The following TTC23L variants were observed in gnomAD, a reference collection of about 807,000 sequenced individuals.
TTC23L encodes the protein tetratricopeptide repeat domain 23 like.
TTC23L carries 42 observed loss-of-function variants against 48.1 expected under a neutral mutation model. The observed-to-expected ratio is 0.87, with a 90% confidence interval of 0.68 to 1.13. The LOEUF is 1.13. Among genes scored for constraint, TTC23L ranks in the 50% most tolerant of loss-of-function variants. The probability of loss-of-function intolerance (pLI) is 0.00; values close to 1 mark genes in which losing one functional copy is unlikely to be tolerated. For missense variants in TTC23L, 391 were observed against 421.0 expected (o/e 0.93, Z 0.62); for synonymous variants, 159 against 157.2 (o/e 1.01, Z -0.09).
chr5:34,861,786 G>A (rs537167920), intron 4 of TTC23L, among the ~76,000 whole-genome samples: 1 of 152,326 alleles, frequency 6.6e-6, no homozygotes, highest in East Asian at 1.9e-4. Flanking sequence ...GGGGCACAGT[G>A]GCCTACTTGG....
intron 9 of TTC23L, 138 bp from the exon 10 acceptor site, chr5:34,896,632 G>A (rs1354707437): frequency 7.1e-6 from 5 of 701,196 alleles, no homozygotes; most frequent in Non-Finnish European, 1.1e-5. Flanking sequence ...ACATTCTAGT[G>A]TAAGAGAAAA....
At chr5:34,911,418 G>T in the TTC23L span, 2 of 1,043,974 alleles carry the variant, frequency 1.9e-6, no homozygotes, top group Non-Finnish European at 1.4e-6. Context: ...AAAATTATGA[G>T]GTAAGAGTAC....
Position 34,863,488 on chromosome 5 carries a change from CTGTT to C in TTC23L, c.536+435_536+438del, listed in dbSNP as rs1162730371. Among the ~76,000 whole-genome samples the C allele has an allele frequency of 2.0e-5, 3 of 152,186 alleles. No homozygotes were observed. Among genetic ancestry groups the C allele is most frequent in the African/African-American group, 7.2e-5 (3 of 41,448 alleles). On this transcript the variant is annotated intron_variant, in intron 5 of 10. Coordinates refer to ENST00000505624, the Ensembl canonical transcript of TTC23L. The surrounding 1 kb of genome is among the most constrained non-coding windows in gnomAD (Gnocchi z 4.1). ...GGGGAGCTTTAAGAATTTCTGCTGT[CTGTT>C]CCTGCCCCAAAGATTTTGACTGAGA... is the stretch of plus-strand genomic sequence containing the variant.
intron 4 of TTC23L, among the ~76,000 whole-genome samples, chr5:34,862,533 T>C (rs1430282641): frequency 6.6e-6 from 1 of 152,154 alleles, no homozygotes; most frequent in Non-Finnish European, 1.5e-5. Context: ...ATGGCATTAG[T>C]AGTAGAATCA....
downstream of TTC23L, chr5:34,902,519 C>T (rs1448647934): frequency 5.1e-6 from 1 of 196,362 alleles, no homozygotes; most frequent in Non-Finnish European, 1.1e-5. Context: ...CTTACAGAAC[C>T]ACATTTTGGT....
chr5:34,879,977 A>T (rs138274377), intron 8 of TTC23L, among the ~76,000 whole-genome samples: 249 of 152,264 alleles, frequency 1.6e-3, no homozygotes, highest in African/African-American at 5.7e-3. Flanking sequence ...GCCTGGCAAC[A>T]GAGTGATACT....
the TTC23L span, chr5:34,915,838 G>C: frequency 1.3e-6 from 2 of 1,570,242 alleles, no homozygotes; most frequent in Non-Finnish European, 1.7e-6. Context: ...TAAGCGGCAC[G>C]CCACAGCAGA....
chr5:34,874,521 A>G (rs1219793183), intron 8 of TTC23L, among the ~76,000 whole-genome samples: 1 of 152,152 alleles, frequency 6.6e-6, no homozygotes, highest in Non-Finnish European at 1.5e-5. Context: ...AGTGTAACTG[A>G]TATGCTAAAA....
At chr5:34,912,854 A>G in the TTC23L span, among the ~76,000 whole-genome samples, 1 of 152,140 alleles carries the variant, frequency 6.6e-6, no homozygotes, top group Non-Finnish European at 1.5e-5. Context: ...ACAAAAAATT[A>G]GCCGGGCGTG....
the TTC23L span, chr5:34,909,116 T>C: frequency 1.2e-6 from 1 of 863,292 alleles, no homozygotes; most frequent in East Asian, 2.6e-5. Flanking sequence ...CTACATCCCC[T>C]AGTAAGTCCA....
At chr5:34,909,110 A>C in the TTC23L span, 1 of 853,948 alleles carries the variant, frequency 1.2e-6, no homozygotes, top group Non-Finnish European at 1.8e-6. Context: ...AGAACCCTAC[A>C]TCCCCTAGTA....
chr5:34,916,029 T>A, the TTC23L span: 1 of 1,070,892 alleles, frequency 9.3e-7, no homozygotes, highest in Non-Finnish European at 1.3e-6. Flanking sequence ...GTTTTAGCAA[T>A]TCTCCCGGCC....
At chr5:34,839,688 G>A in intron 1 of TTC23L, 3 of 984,918 alleles carry the variant, frequency 3.0e-6, no homozygotes, top group Non-Finnish European at 3.6e-6. Flanking sequence ...GTGGGAATTA[G>A]TGATTCTGGA....
At chr5:34,864,905 C>T (rs986966203) in intron 6 of TTC23L, among the ~76,000 whole-genome samples, 3 of 152,240 alleles carry the variant, frequency 2.0e-5, no homozygotes, top group Admixed American at 1.3e-4. Flanking sequence ...TTGCCTCTCA[C>T]ACTCACTCTA....
chr5:34,874,638 G>T lies in TTC23L; in HGVS notation c.950-5543G>T, dbSNP rs183212206. On this transcript the variant is annotated intron_variant, in intron 8 of 10. Coordinates refer to ENST00000505624, the Ensembl canonical transcript of TTC23L. ...CTCAGGAGGCAGAGGTGGGGGGTTT[G>T]CTTGAGCCCAGGAGTTTGAGGCTGC... Among the ~76,000 whole-genome samples the T allele has an allele frequency of 6.5e-4, 99 of 152,148 alleles. No homozygotes were observed. The Middle Eastern group carries it at 0.01, about 16-fold the overall frequency.
the TTC23L span, chr5:34,905,525 T>C: frequency 6.6e-6 from 1 of 152,192 alleles, no homozygotes; most frequent in Admixed American, 6.5e-5. Flanking sequence ...TTTTATTATT[T>C]TGAAGCATTT....
chr5:34,908,918 T>C, the TTC23L span: 1 of 1,608,502 alleles, frequency 6.2e-7, no homozygotes, highest in East Asian at 2.2e-5. Context: ...CTAATGCCTT[T>C]GTAGAGGGTT....
At chr5:34,903,589 A>G (rs762886955), downstream of TTC23L, among the ~76,000 whole-genome samples, 105 of 152,210 alleles carry the variant, frequency 6.9e-4, no homozygotes, top group Non-Finnish European at 1.1e-3. Flanking sequence ...TATCATACAT[A>G]TTAGTTTCAC....
chr5:34,891,450 C>T (rs1391061851), intron 9 of TTC23L, among the ~76,000 whole-genome samples: 2 of 152,148 alleles, frequency 1.3e-5, no homozygotes, highest in African/African-American at 4.8e-5. Flanking sequence ...GCAGAGTATG[C>T]GCTCAATAAG....
Sources: allele counts gnomAD v4.1 joint callset (sites outside exome capture counted in the v4.1 genomes callset), GRCh38; gene constraint gnomAD v4.1.1; non-coding constraint Gnocchi (gnomAD v3.1); transcripts MANE v1.5; gene names NCBI Gene and HGNC (gene_info 2026-07-23, HGNC 2026-07-21).